EPB41: variants seen among roughly 807,000 people sequenced by gnomAD.
EPB41 encodes the protein protein 4.1.
Under a neutral mutation model 108.0 loss-of-function variants are expected in EPB41, and 65 were observed. That is an observed-to-expected ratio of 0.60 (90% CI 0.49 to 0.74). The LOEUF (loss-of-function observed/expected upper bound fraction) is 0.74, where lower values mean the gene tolerates loss of function less well. Ranked by LOEUF, EPB41 falls within the 30% of genes least tolerant of loss-of-function variation. The pLI is 0.00. For synonymous variants in EPB41, 336 were observed against 358.9 expected, an observed-to-expected ratio of 0.94 and a Z score of 0.72; for missense variants, 875 against 1,037.0, an observed-to-expected ratio of 0.84 and a Z score of 2.15.
At chr1:29,050,054 G>C (rs1202310135) in intron 11 of EPB41, among the ~76,000 whole-genome samples, 4 of 152,162 alleles carry the variant, frequency 2.6e-5, no homozygotes. Context: ...TGATATTATA[G>C]AGTTAATATC....
intron 16 of EPB41, among the ~76,000 whole-genome samples, chr1:29,066,314 G>T (rs1356070509): frequency 6.6e-6 from 1 of 152,028 alleles, no homozygotes; most frequent in African/African-American, 2.4e-5. Flanking sequence ...AGCTACTCAG[G>T]AGGCTGAGGT....
intron 1 of EPB41, among the ~76,000 whole-genome samples, chr1:28,945,172 T>G (rs2094449558): frequency 6.6e-6 from 1 of 152,126 alleles, no homozygotes; most frequent in African/African-American, 2.4e-5. Flanking sequence ...CCATCTAAAA[T>G]TGTTCTTACT....
At chr1:29,009,590 T>C (rs1451810988) in intron 4 of EPB41, among the ~76,000 whole-genome samples, 1 of 152,158 alleles carries the variant, frequency 6.6e-6, no homozygotes, top group African/African-American at 2.4e-5. Flanking sequence ...TAGTTCTGGA[T>C]TGCATGGTAT....
chr1:28,948,248 T>C (rs1045562315), intron 1 of EPB41, among the ~76,000 whole-genome samples: 1 of 152,066 alleles, frequency 6.6e-6, no homozygotes, highest in Admixed American at 6.5e-5. Context: ...GCGTGGTGAC[T>C]CACGCCTGTA....
At chr1:29,094,686 A>C (rs113258389) in intron 16 of EPB41, among the ~76,000 whole-genome samples, 2 of 152,116 alleles carry the variant, frequency 1.3e-5, no homozygotes, top group African/African-American at 2.4e-5. Context: ...TTATTTTTCA[A>C]ATGACTAATT....
intron 11 of EPB41, among the ~76,000 whole-genome samples, chr1:29,051,079 T>C (rs1340547878): frequency 6.8e-6 from 1 of 147,740 alleles, no homozygotes; most frequent in Non-Finnish European, 1.5e-5. Context: ...TCTTTCTTTT[T>C]CTTTTTCTGT....
chr1:29,074,710 ACTC>A (rs1467818250), intron 16 of EPB41, among the ~76,000 whole-genome samples: 2 of 152,136 alleles, frequency 1.3e-5, no homozygotes, highest in African/African-American at 4.8e-5. Context: ...GGTAAACAAA[ACTC>A]CTATCATCCT....
intron 17 of EPB41, among the ~76,000 whole-genome samples, chr1:29,100,001 GA>G (rs1163637946): frequency 6.6e-6 from 1 of 152,294 alleles, no homozygotes; most frequent in East Asian, 1.9e-4. Context: ...GATAATCAGG[GA>G]ATTCCTCTCT....
chr1:28,953,921 T>A (rs1229763953), intron 1 of EPB41, among the ~76,000 whole-genome samples: 2 of 152,182 alleles, frequency 1.3e-5, no homozygotes, highest in African/African-American at 4.8e-5. Flanking sequence ...GATTTGCATT[T>A]CTAGCAAGTT....
intron 19 of EPB41, among the ~76,000 whole-genome samples, chr1:29,114,636 TAA>T (rs62666661): frequency 0.19 from 15,142 of 77,960 alleles, 1,200 homozygotes; most frequent in African/African-American, 0.33. Context: ...AGACTCCGTC[TAA>T]AAAAAAAAAA....
At position 28,889,825 on chromosome 1, in the gene EPB41, C is replaced by T. The variant is rs564060093; in HGVS notation, c.-8+2615C>T. On this transcript the variant is annotated intron_variant, in intron 1 of 16. Coordinates refer to the EPB41 transcript ENST00000347529. ...TTATTCTCTAAGCCTTTCTTGAGCACGTACTGTGCACCATATACAGGTCTG... is the reference window on the plus strand; with the variant it reads ...TTATTCTCTAAGCCTTTCTTGAGCATGTACTGTGCACCATATACAGGTCTG... 1.5e-4 allele frequency: 149 copies of T among 985,334 alleles called. No individual in the cohort carries two copies. The African/African-American group carries it at 2.2e-3, about 14-fold the overall frequency. 61.0% of individuals were successfully genotyped at this position (985,334 alleles called of 1,614,324 possible). A position where few individuals can be genotyped will look rare whatever the true frequency, so the allele number is the denominator to read the frequency against.
chr1:28,934,666 T>TTTGTGTGTGTGTGTGTGTG (rs1553174370), intron 1 of EPB41, among the ~76,000 whole-genome samples: 62 of 136,388 alleles, frequency 4.5e-4, no homozygotes, highest in East Asian at 2.5e-3. Flanking sequence ...TCTTTTGACA[T>TTTGTGTGTGTGTGTGTGTG]TGTGTGTGTG....
At chr1:28,973,494 A>G (rs1444770781) in intron 1 of EPB41, among the ~76,000 whole-genome samples, 1 of 152,088 alleles carries the variant, frequency 6.6e-6, no homozygotes, top group Non-Finnish European at 1.5e-5. Context: ...GGCTCAAGCA[A>G]TTCTTCTGCC....
intron 8 of EPB41, 93 bp from the exon 9 acceptor site, chr1:29,033,000 T>A: frequency 8.2e-7 from 1 of 1,215,108 alleles, no homozygotes. Flanking sequence ...TTTGTAACTG[T>A]TTTTGGTTGT....
At chr1:29,026,483 G>A (rs1188058939) in intron 7 of EPB41, among the ~76,000 whole-genome samples, 3 of 152,132 alleles carry the variant, frequency 2.0e-5, no homozygotes, top group African/African-American at 7.2e-5. Flanking sequence ...ATGGGAAATG[G>A]TCAGAAGGAC....
intron 11 of EPB41, among the ~76,000 whole-genome samples, chr1:29,047,124 C>T (rs931074908): frequency 1.3e-5 from 2 of 152,092 alleles, no homozygotes; most frequent in African/African-American, 4.8e-5. Flanking sequence ...ATATCTGGTC[C>T]TAGAGATCTC....
chr1:28,977,349 TG>T (rs1339281911), intron 1 of EPB41, among the ~76,000 whole-genome samples: 2 of 151,716 alleles, frequency 1.3e-5, no homozygotes, highest in Non-Finnish European at 2.9e-5. Context: ...TAAAAAAAAA[TG>T]AAAGATAACC....
chr1:28,889,737 A>G (rs2089893299), intron 1 of EPB41: 22 of 881,296 alleles, frequency 2.5e-5, no homozygotes, highest in Non-Finnish European at 3.0e-5. Flanking sequence ...GGGGAGGTGC[A>G]AGGAGGGACT....
intron 17 of EPB41, among the ~76,000 whole-genome samples, chr1:29,102,876 G>A (rs1436128219): frequency 6.6e-6 from 1 of 152,134 alleles, no homozygotes; most frequent in Non-Finnish European, 1.5e-5. Flanking sequence ...GGGTTCCAGC[G>A]ATTCTCATGC....
Sources: gnomAD v4.1 joint callset for allele counts (sites outside exome capture counted in the v4.1 genomes callset) on GRCh38, gnomAD v4.1.1 for gene constraint, MANE v1.5 for transcripts, NCBI Gene and HGNC (gene_info 2026-07-23, HGNC 2026-07-21) for gene names.